The following MYRIP variants were observed in gnomAD, a reference collection of about 807,000 sequenced individuals.
MYRIP encodes rab effector MyRIP.
A neutral mutation model predicts 98.0 loss-of-function variants in MYRIP; 49 were observed. The observed-to-expected ratio is 0.50, with a 90% confidence interval of 0.40 to 0.63. MYRIP has a LOEUF of 0.63. Among genes scored for constraint, MYRIP ranks in the 30% least tolerant of loss-of-function variants. MYRIP has a pLI of 0.00. For synonymous variants in MYRIP, 404 were observed against 409.5 expected, an observed-to-expected ratio of 0.99 and a Z score of 0.16; for missense variants, 1,004 against 1,058.2, an observed-to-expected ratio of 0.95 and a Z score of 0.71.
chr3:40,090,642 A>T (rs1425712316), intron 3 of MYRIP, among the ~76,000 whole-genome samples: 1 of 152,216 alleles, frequency 6.6e-6, no homozygotes, highest in East Asian at 1.9e-4. Flanking sequence ...CTTTTAACTG[A>T]TTGTCTAACA....
In MYRIP at chr3:39,809,915, C is replaced by T. The variant is rs999238222; in HGVS notation, c.-32C>T. ...GGACTTGCTTCAGGCTGGCCACCCCCCGTGAGTACCGTCCGCCTCCCTCTT... is the reference window on the plus strand; with the variant it reads ...GGACTTGCTTCAGGCTGGCCACCCCTCGTGAGTACCGTCCGCCTCCCTCTT... On this transcript the variant is annotated splice_region_variant and 5_prime_UTR_variant, in exon 1 of 17. Coordinates refer to ENST00000302541, the MANE Select transcript of MYRIP (RefSeq NM_015460.4). The T allele has an allele frequency of 6.6e-5, 10 of 152,502 alleles. No individual in the cohort carries two copies. Among genetic ancestry groups the T allele is most frequent in the South Asian group, 2.1e-4 (1 of 4,830 alleles). 9.4% of individuals were successfully genotyped at this position (152,502 alleles called of 1,614,324 possible). A position where few individuals can be genotyped will look rare whatever the true frequency, so the allele number is the denominator to read the frequency against.
rs556541300 is a variant in MYRIP, at chr3:39,987,367, A to G, written c.111-56683A>G. On this transcript the variant is annotated intron_variant, in intron 2 of 16. Transcript: ENST00000302541. ...CCTTTTTATGGCTTCATAGTATTCC[A>G]TGGTGTATATGTACCACACTTTCTT... 4.6e-5 allele frequency among the ~76,000 whole-genome samples: 7 copies of G among 152,296 alleles called. No homozygotes were observed. The East Asian group carries it at 7.7e-4, about 17-fold the overall frequency.
chr3:40,042,757 CCTT>C (rs1300925462), intron 2 of MYRIP, among the ~76,000 whole-genome samples: 1 of 152,236 alleles, frequency 6.6e-6, no homozygotes, highest in East Asian at 1.9e-4. Context: ...TATAGACGCT[CCTT>C]GATTTACAGT....
intron 3 of MYRIP, among the ~76,000 whole-genome samples, chr3:40,119,093 C>T (rs1949344599): frequency 6.6e-6 from 1 of 151,780 alleles, no homozygotes; most frequent in African/African-American, 2.4e-5. Context: ...GGGTATATAC[C>T]CAGTAATGGG....
rs149736313 is a variant in MYRIP, at chr3:39,931,486, C to A, written c.110+30560C>A. Reference sequence around the variant, plus strand: ...TCATCTTTGCATAGAGATAATTTTACTTCTTTTCTTCTCTTAATTCCTTTT... The same window carrying A: ...TCATCTTTGCATAGAGATAATTTTAATTCTTTTCTTCTCTTAATTCCTTTT... On this transcript the variant is annotated intron_variant, in intron 2 of 16. Coordinates refer to ENST00000302541, the MANE Select transcript of MYRIP (RefSeq NM_015460.4). Among the ~76,000 whole-genome samples the A allele has an allele frequency of 7.8e-3, 1,178 of 151,014 alleles. 17 individuals carry two copies. The highest frequency in any genetic ancestry group is 0.027 in the African/African-American group (1,124 of 41,126).
At chr3:39,927,060 T>C (rs1445366403) in intron 2 of MYRIP, among the ~76,000 whole-genome samples, 2 of 152,026 alleles carry the variant, frequency 1.3e-5, no homozygotes, top group Non-Finnish European at 2.9e-5. Context: ...GTTGGAAATA[T>C]TCCTAGGTGT....
chr3:39,994,195 G>A (rs1459387806), intron 2 of MYRIP, among the ~76,000 whole-genome samples: 1 of 152,208 alleles, frequency 6.6e-6, no homozygotes, highest in Non-Finnish European at 1.5e-5. Flanking sequence ...GTGGGTGCAG[G>A]ACAGTGGGTG....
chr3:39,904,483 A>T (rs1189046470), intron 2 of MYRIP, among the ~76,000 whole-genome samples: 1 of 151,400 alleles, frequency 6.6e-6, no homozygotes, highest in African/African-American at 2.4e-5. Context: ...CAATCTGCCC[A>T]CCTCGGCCTC....
intron 15 of MYRIP, 41 bp from the exon 16 acceptor site, chr3:40,251,840 C>T: frequency 7.3e-7 from 1 of 1,362,566 alleles, no homozygotes. Flanking sequence ...TCAATCAGTC[C>T]ATCTTCTGGG....
chr3:40,185,412 A>G (rs1184665635), intron 9 of MYRIP, among the ~76,000 whole-genome samples: 1 of 152,170 alleles, frequency 6.6e-6, no homozygotes, highest in Non-Finnish European at 1.5e-5. Flanking sequence ...TCACTCAGTG[A>G]GAGTTAGTTG....
chr3:40,160,016 A>T (rs536340325), intron 4 of MYRIP, among the ~76,000 whole-genome samples: 4 of 152,302 alleles, frequency 2.6e-5, no homozygotes, highest in African/African-American at 7.2e-5. Context: ...TTCTCCGTCC[A>T]GCTTTGTTCC....
intron 12 of MYRIP, among the ~76,000 whole-genome samples, chr3:40,239,370 G>A (rs1447449931): frequency 2.7e-5 from 4 of 149,648 alleles, no homozygotes; most frequent in South Asian, 2.1e-4. Flanking sequence ...ACAAACATAC[G>A]TGTGCATGTG....
At chr3:39,963,424 T>C (rs1309437030) in intron 2 of MYRIP, among the ~76,000 whole-genome samples, 1 of 152,194 alleles carries the variant, frequency 6.6e-6, no homozygotes, top group East Asian at 1.9e-4. Flanking sequence ...CATTTATTCA[T>C]GCATACATGC....
chr3:39,828,437 A>T (rs1941338761), intron 1 of MYRIP, among the ~76,000 whole-genome samples: 1 of 151,818 alleles, frequency 6.6e-6, no homozygotes, highest in South Asian at 2.1e-4. Flanking sequence ...TTTTCTTAAG[A>T]TTATGATTTT....
At chr3:40,153,228 G>A (rs1251482956) in intron 4 of MYRIP, among the ~76,000 whole-genome samples, 1 of 152,162 alleles carries the variant, frequency 6.6e-6, no homozygotes, top group African/African-American at 2.4e-5. Context: ...GGAGAAACAT[G>A]AAGACAAGCA....
intron 2 of MYRIP, among the ~76,000 whole-genome samples, chr3:40,043,144 AT>A (rs1288459797): frequency 6.6e-6 from 1 of 152,224 alleles, no homozygotes; most frequent in Non-Finnish European, 1.5e-5. Flanking sequence ...TTCTATTATA[AT>A]GATAGTGTGC....
chr3:39,969,075 C>A (rs190242128), intron 2 of MYRIP, among the ~76,000 whole-genome samples: 1 of 152,108 alleles, frequency 6.6e-6, no homozygotes, highest in East Asian at 1.9e-4. Flanking sequence ...GTATTTTATT[C>A]TTTGTGTGGC....
At chr3:39,853,396 C>T (rs775545881) in intron 1 of MYRIP, among the ~76,000 whole-genome samples, 11 of 152,154 alleles carry the variant, frequency 7.2e-5, no homozygotes, top group Non-Finnish European at 1.5e-4. Context: ...GTTTCCTTTT[C>T]ACCACATCCA....
intron 3 of MYRIP, among the ~76,000 whole-genome samples, chr3:40,096,438 G>C (rs796455493): frequency 2.4e-4 from 37 of 152,300 alleles, no homozygotes; most frequent in African/African-American, 7.9e-4. Flanking sequence ...GTCAAATTTA[G>C]CATATGGCAA....
Sources: gnomAD v4.1 joint callset for allele counts (sites outside exome capture counted in the v4.1 genomes callset) on GRCh38, gnomAD v4.1.1 for gene constraint, MANE v1.5 for transcripts, NCBI Gene and HGNC (gene_info 2026-07-23, HGNC 2026-07-21) for gene names.